NLGN1: variants seen among roughly 807,000 people sequenced by gnomAD.
The protein encoded by NLGN1 is neuroligin 1.
Under a neutral mutation model 65.5 loss-of-function variants are expected in NLGN1, and 12 were observed. The observed-to-expected ratio is 0.18, with a 90% CI of 0.12 to 0.30. The LOEUF (loss-of-function observed/expected upper bound fraction) is 0.30, where lower values mean the gene tolerates loss of function less well. NLGN1 is among the 10% of genes least tolerant of loss of function. The pLI, the probability that NLGN1 is intolerant of heterozygous loss-of-function variation, is 1.00. For synonymous variants in NLGN1, 350 were observed against 359.5 expected (o/e 0.97, Z 0.30); for missense variants, 750 against 1,007.1 (o/e 0.74, Z 3.46).
At chr3:173,822,227 C>T (rs1261026268) in intron 4 of NLGN1, among the ~76,000 whole-genome samples, 1 of 152,098 alleles carries the variant, frequency 6.6e-6, no homozygotes, top group Non-Finnish European at 1.5e-5. Context: ...ACGATCCGTA[C>T]TTCCATGTAC....
chr3:174,015,506 T>C (rs956090567), intron 4 of NLGN1, among the ~76,000 whole-genome samples: 2 of 152,150 alleles, frequency 1.3e-5, no homozygotes, highest in East Asian at 3.9e-4. Flanking sequence ...TAGGAGCTTA[T>C]CTAAACCTAA....
At chr3:174,210,772 G>A (rs561466199) in intron 4 of NLGN1, among the ~76,000 whole-genome samples, 7 of 152,162 alleles carry the variant, frequency 4.6e-5, no homozygotes, top group South Asian at 2.1e-4. Flanking sequence ...TTTTATCAAC[G>A]CCAGAGCAAC....
At chr3:173,530,895 T>A (rs1736456635) in intron 2 of NLGN1, among the ~76,000 whole-genome samples, 1 of 152,138 alleles carries the variant, frequency 6.6e-6, no homozygotes. Flanking sequence ...ATGCTCATTT[T>A]TTAAAATGAG....
At chr3:173,484,988 C>A (rs922931018) in intron 2 of NLGN1, among the ~76,000 whole-genome samples, 1 of 151,988 alleles carries the variant, frequency 6.6e-6, no homozygotes, top group Non-Finnish European at 1.5e-5. Context: ...TAAAGACTTA[C>A]TCAAGACTGA....
chr3:173,693,286 TA>T, intron 3 of NLGN1, among the ~76,000 whole-genome samples: 1 of 152,120 alleles, frequency 6.6e-6, no homozygotes, highest in East Asian at 1.9e-4. Flanking sequence ...ATTGTGAAGT[TA>T]AAGGAGGGAC....
intron 4 of NLGN1, among the ~76,000 whole-genome samples, chr3:173,911,957 T>G (rs1739691079): frequency 6.6e-6 from 1 of 152,206 alleles, no homozygotes; most frequent in Admixed American, 6.5e-5. Context: ...AATTTAAATC[T>G]TTCAGGATAA....
intron 3 of NLGN1, among the ~76,000 whole-genome samples, chr3:173,700,159 A>G (rs1766909695): frequency 6.6e-6 from 1 of 152,236 alleles, no homozygotes; most frequent in African/African-American, 2.4e-5. Context: ...TGGGAAATAT[A>G]CTAAAATATT....
rs558633108 is a variant in NLGN1, at chr3:173,738,771, CAA to C, written c.494-68907_494-68906del. 3.6e-3 allele frequency among the ~76,000 whole-genome samples: 542 copies of C among 152,104 alleles called. 4 individuals carry two copies. The highest frequency in any genetic ancestry group is 0.012 in the African/African-American group (510 of 41,516). On this transcript the variant is annotated intron_variant, in intron 3 of 6. Coordinates refer to ENST00000457714, the Ensembl canonical transcript of NLGN1. Reference sequence around the variant, plus strand: ...TTTAGGATCAGATTGTCAATTTATGCAAAGAGAGTATCTGGAATTTTGATTAA... The same window carrying C: ...TTTAGGATCAGATTGTCAATTTATGCAGAGAGTATCTGGAATTTTGATTAA...
At chr3:173,490,680 T>C (rs890388356) in intron 2 of NLGN1, among the ~76,000 whole-genome samples, 2 of 152,276 alleles carry the variant, frequency 1.3e-5, no homozygotes, top group South Asian at 2.1e-4. Flanking sequence ...TAAATTACCT[T>C]GGGCAGTATG....
chr3:174,101,493 CG>C (rs1364380140), intron 4 of NLGN1, among the ~76,000 whole-genome samples: 2 of 152,132 alleles, frequency 1.3e-5, no homozygotes, highest in African/African-American at 4.8e-5. Context: ...GATCAGCTTA[CG>C]TCTGAACCCA....
chr3:173,719,369 T>G (rs1770429358), intron 3 of NLGN1, among the ~76,000 whole-genome samples: 1 of 152,298 alleles, frequency 6.6e-6, no homozygotes, highest in South Asian at 2.1e-4. Context: ...TGCCCTAAGC[T>G]CTAGACCTTC....
intron 4 of NLGN1, among the ~76,000 whole-genome samples, chr3:173,943,545 G>A (rs10936773): frequency 6.6e-6 from 1 of 151,788 alleles, no homozygotes. Context: ...GGCGAGTCTG[G>A]TCCCCTTGAA....
intron 3 of NLGN1, among the ~76,000 whole-genome samples, chr3:173,718,904 T>C (rs1291578647): frequency 6.6e-6 from 1 of 152,086 alleles, no homozygotes; most frequent in Non-Finnish European, 1.5e-5. Flanking sequence ...ATGTGAAAAA[T>C]TTTCTTGAAT....
intron 4 of NLGN1, among the ~76,000 whole-genome samples, chr3:173,928,605 G>A (rs1743451126): frequency 6.6e-6 from 1 of 151,756 alleles, no homozygotes; most frequent in Admixed American, 6.6e-5. Flanking sequence ...TTTGGTATGA[G>A]GTCTCTCTGT....
chr3:173,722,574 A>G (rs965929217), intron 3 of NLGN1, among the ~76,000 whole-genome samples: 2 of 151,918 alleles, frequency 1.3e-5, no homozygotes, highest in Non-Finnish European at 2.9e-5. Context: ...AGTGACTTCA[A>G]ATCTGCACTC....
chr3:174,180,237 A>G (rs985568666), intron 4 of NLGN1, among the ~76,000 whole-genome samples: 4 of 152,134 alleles, frequency 2.6e-5, no homozygotes, highest in Admixed American at 6.5e-5. Context: ...GGACACAGAT[A>G]TCACCTTCAA....
At chr3:174,101,403 G>A (rs931507820) in intron 4 of NLGN1, among the ~76,000 whole-genome samples, 2 of 152,132 alleles carry the variant, frequency 1.3e-5, no homozygotes, top group African/African-American at 2.4e-5. Context: ...TAGCTTTCAG[G>A]TCTCTAGTCA....
rs547382540 is a variant in NLGN1, at chr3:173,791,860, TTC to T, written c.494-15818_494-15817del. Among the ~76,000 whole-genome samples the T allele has an allele frequency of 2.6e-5, 4 of 152,242 alleles. No individual in the cohort carries two copies. The East Asian group carries it at 5.8e-4, about 22-fold the overall frequency. ...AATCTGTTAAACACTCTATTTTTGT[TTC>T]TTCACCTGTGAAATGAGGAGTTCGA... On this transcript the variant is annotated intron_variant, in intron 3 of 6. Coordinates refer to ENST00000457714, the Ensembl canonical transcript of NLGN1.
intron 3 of NLGN1, among the ~76,000 whole-genome samples, chr3:173,702,117 T>G (rs1487158036): frequency 1.3e-4 from 20 of 148,608 alleles, no homozygotes; most frequent in African/African-American, 4.9e-4. Flanking sequence ...CGGGCGCCTG[T>G]AGTCCCAGCT....
Sources: allele counts gnomAD v4.1 joint callset (sites outside exome capture counted in the v4.1 genomes callset), GRCh38; gene constraint gnomAD v4.1.1; transcripts MANE v1.5; gene names NCBI Gene and HGNC (gene_info 2026-07-23, HGNC 2026-07-21).